The following CELSR3 variants were observed in gnomAD, a reference collection of about 807,000 sequenced individuals.
The protein encoded by CELSR3 is cadherin EGF LAG seven-pass G-type receptor 3.
In CELSR3, 73 loss-of-function variants were observed where a neutral mutation model predicts 270.0. The observed-to-expected ratio is 0.27, with a 90% CI of 0.22 to 0.33. CELSR3 has a LOEUF of 0.33. CELSR3 is among the 10% of genes least tolerant of loss of function. The probability of loss-of-function intolerance (pLI) is 1.00; values close to 1 mark genes in which losing one functional copy is unlikely to be tolerated. For synonymous variants in CELSR3, 1,780 were observed against 1,905.4 expected (o/e 0.93, Z 1.71); for missense variants, 3,614 against 4,533.8 (o/e 0.80, Z 5.83).
Position 48,654,920 on chromosome 3 carries a change from G to T in CELSR3, c.4988+124C>A. On this transcript the variant is annotated intron_variant, in intron 6 of 34. Coordinates refer to ENST00000164024, the MANE Select transcript of CELSR3 (RefSeq NM_001407.3). This position sits in a 1 kb window ranked among gnomAD's most constrained non-coding sequence, Gnocchi z 5.4. ...TTTCAGGGTCTTTGAGAGGAGAGGG[G>T]AATCTTGGTGGTTTGGGGGAAAGAT... 1.0e-6 allele frequency: 1 copy of T among 992,592 alleles called. No individual in the cohort carries two copies. The highest frequency in any genetic ancestry group is 1.6e-6 in the Non-Finnish European group (1 of 642,514). The allele number at this position is 992,592 out of a possible 1,614,324, so 61.5% of individuals were successfully genotyped here.
Position 48,661,137 on chromosome 3 carries a change from G to T in CELSR3, c.1498C>A (p.Arg500=). The change falls in exon 1 of 35, where the codon CGA becomes AGA. Residue 500 remains arginine (R), a synonymous_variant. Transcript: ENST00000164024. Reference sequence around the variant, plus strand: ...CTTTCCATGTGCTCGCGGTCCACTCGGCCGCTGGTGCTGATGAGGCCGGAG... The same window carrying T: ...CTTTCCATGTGCTCGCGGTCCACTCTGCCGCTGGTGCTGATGAGGCCGGAG... ...PRSGLISTSG[R]VDREHMESYE... is the part of the protein sequence containing the mutation. The T allele has an allele frequency of 6.2e-7, 1 of 1,607,084 alleles. No homozygotes were observed. Among genetic ancestry groups the T allele is most frequent in the East Asian group, 2.2e-5 (1 of 44,530 alleles).
At position 48,642,446 on chromosome 3, in the gene CELSR3, A is replaced by G; in HGVS notation, c.8577T>C (p.His2859=). ...SYLRDNVLVR[H]GSAADHTDHS... ...GGTCAGTGTGGTCAGCGGCTGAGCC[A>G]TGTCGAACCAGGACATTGTCCCTGG... Residue 2859 remains histidine (H), a synonymous_variant, in exon 31 of 35, where the codon CAT becomes CAC. Transcript: ENST00000164024. The surrounding 1 kb of genome is among the most constrained non-coding windows in gnomAD (Gnocchi z 6.1). 6.2e-7 allele frequency: 1 copy of G among 1,613,122 alleles called. No homozygotes were observed. Among genetic ancestry groups the G allele is most frequent in the Non-Finnish European group, 8.5e-7 (1 of 1,179,892 alleles).
At position 48,645,530 on chromosome 3, in the gene CELSR3, A is replaced by T; in HGVS notation, c.7710T>A (p.Asn2570Lys). The stretch of plus-strand genomic sequence containing the variant: ...CCACATTGGCATGGATCCCACGCAC[A>T]TTGGACTTGAGGCTGCGCAGGCTCA... ...ILLSLRSLKS[N>K]VRGIHANVAA... is the part of the protein sequence containing the mutation. The change falls in exon 24 of 35, where the codon AAT becomes AAA. Residue 2570 changes from asparagine (N) to lysine (K), a missense_variant. By Grantham distance (94) the Asn-to-Lys change is moderately conservative. Transcript: ENST00000164024. This position sits in a 1 kb window ranked among gnomAD's most constrained non-coding sequence, Gnocchi z 5.4. 2 of 1,612,766 alleles carry T rather than the reference A, an allele frequency of 1.2e-6. No homozygotes were observed. The highest frequency in any genetic ancestry group is 2.2e-5 in the South Asian group (2 of 91,086).
Position 48,661,991 on chromosome 3 carries a change from C to T in CELSR3, c.644G>A (p.Gly215Asp). 6.2e-7 allele frequency: 1 copy of T among 1,614,022 alleles called. No homozygotes were observed. The highest frequency in any genetic ancestry group is 2.2e-5 in the East Asian group (1 of 44,864). The part of the protein sequence containing the change: ...CGELWATGSK[G>D]QGERATTSGA... ...GGATGTCGTGGCTCTCTCGCCCTGA[C>T]CCTTGCTCCCTGTTGCCCATAATTC... Residue 215 changes from glycine (G) to aspartate (D), a missense_variant, in exon 1 of 35, where the codon GGT becomes GAT. By Grantham distance (94) the Gly-to-Asp change is moderately conservative. Coordinates refer to ENST00000164024, the MANE Select transcript of CELSR3 (RefSeq NM_001407.3).
rs762689560 is a variant in CELSR3, at chr3:48,656,822, G to A, written c.4275C>T (p.Pro1425=). 11 of 1,607,884 alleles carry A rather than the reference G, an allele frequency of 6.8e-6. No homozygotes were observed. The highest frequency in any genetic ancestry group is 9.3e-6 in the Non-Finnish European group (11 of 1,176,846). Residue 1425 remains proline (P), a synonymous_variant, in exon 2 of 35, where the codon CCC becomes CCT. Transcript: ENST00000164024. Reference sequence around the variant, plus strand: ...TCTCGCAAAAGTCTCCCGTGAATCCGGGCGGGCAGCGGCAGCGCAGGCCAG... The same window carrying A: ...TCTCGCAAAAGTCTCCCGTGAATCCAGGCGGGCAGCGGCAGCGCAGGCCAG... ...PIAGLRCRCP[P]GFTGDFCETE...
chr3:48,661,261 A>G lies in CELSR3; in HGVS notation c.1374T>C (p.Thr458=), dbSNP rs144271865. ...TGGCGTTGGGGGGCGCGTCGCCGTC[A>G]GTGGCACGCAGCTGCAGGATAGGGT... The part of the protein sequence containing the change: ...EGYPILQLRA[T]DGDAPPNANL... Residue 458 remains threonine, a synonymous_variant, in exon 1 of 35, where the codon ACT becomes ACC. Coordinates refer to ENST00000164024, the MANE Select transcript of CELSR3 (RefSeq NM_001407.3). 9 of 1,610,040 alleles carry G rather than the reference A, an allele frequency of 5.6e-6. No homozygotes were observed. Among genetic ancestry groups the G allele is most frequent in the African/African-American group, 1.3e-5 (1 of 74,832 alleles).
At chr3:48,648,034 C>T (rs1341510285) in intron 19 of CELSR3, 38 bp from the exon 20 acceptor site, 1 of 1,606,678 alleles carries the variant, frequency 6.2e-7, no homozygotes. Context: ...CATCATGGAC[C>T]TCTTCCCCCT....
chr3:48,650,744 T>A lies in CELSR3; in HGVS notation c.6370+148A>T. On this transcript the variant is annotated intron_variant, in intron 15 of 34. Coordinates refer to ENST00000164024, the MANE Select transcript of CELSR3 (RefSeq NM_001407.3). This position sits in a 1 kb window ranked among gnomAD's most constrained non-coding sequence, Gnocchi z 5.1. ...TTCTGTGACAGGTCAGCAAAGTACTTGGGGCAAAGGTAGGGTTCCCTGGGT... is the reference window on the plus strand; with the variant it reads ...TTCTGTGACAGGTCAGCAAAGTACTAGGGGCAAAGGTAGGGTTCCCTGGGT... 1 of 1,056,112 alleles carries A rather than the reference T, an allele frequency of 9.5e-7. No individual in the cohort carries two copies. The highest frequency in any genetic ancestry group is 1.4e-6 in the Non-Finnish European group (1 of 736,252). The allele number at this position is 1,056,112 out of a possible 1,614,324, so 65.4% of individuals were successfully genotyped here. A position where few individuals can be genotyped will look rare whatever the true frequency, so the allele number is the denominator to read the frequency against.
At position 48,661,774 on chromosome 3, in the gene CELSR3, G is replaced by C; in HGVS notation, c.861C>G (p.Leu287=). The change falls in exon 1 of 35, where the codon CTC becomes CTG. Residue 287 remains leucine, a synonymous_variant. Transcript: ENST00000164024. The stretch of plus-strand genomic sequence containing the variant: ...GGGGACGCGGCCCGGGGCGCTGCGG[G>C]AGGAAGCGGCAGCGGAAGAGACCCC... ...RSRGLFRCRF[L]PQRPGPRPPG... is the part of the protein sequence containing the mutation. The C allele has an allele frequency of 6.2e-7, 1 of 1,601,124 alleles. No homozygotes were observed. The highest frequency in any genetic ancestry group is 8.5e-7 in the Non-Finnish European group (1 of 1,175,488).
Position 48,639,525 on chromosome 3 carries a change from G to T in CELSR3, c.9911+149C>A. The T allele has an allele frequency of 9.4e-7, 1 of 1,065,232 alleles. No homozygotes were observed. Among genetic ancestry groups the T allele is most frequent in the Non-Finnish European group, 1.3e-6 (1 of 746,758 alleles). The allele number at this position is 1,065,232 out of a possible 1,614,324, so 66.0% of individuals were successfully genotyped here. A position where few individuals can be genotyped will look rare whatever the true frequency, so the allele number is the denominator to read the frequency against. ...ATTTCTTGCCAGATTCCTGTCCCCA[G>T]CCTGTGGCCCTCTGGCTGTGCTGAG... is the stretch of plus-strand genomic sequence containing the variant. On this transcript the variant is annotated intron_variant, in intron 34 of 34. Coordinates refer to ENST00000164024, the MANE Select transcript of CELSR3 (RefSeq NM_001407.3). This position sits in a 1 kb window ranked among gnomAD's most constrained non-coding sequence, Gnocchi z 4.1.
At position 48,654,212 on chromosome 3, in the gene CELSR3, C is replaced by A; in HGVS notation, c.5152+77G>T. ...CCACCAAAGGAGACTGGCTTGAAGTCAGGTATGGAGTCCTCCACTTCCTCC... is the reference window on the plus strand; with the variant it reads ...CCACCAAAGGAGACTGGCTTGAAGTAAGGTATGGAGTCCTCCACTTCCTCC... On this transcript the variant is annotated intron_variant, in intron 7 of 34. Transcript: ENST00000164024. This position sits in a 1 kb window ranked among gnomAD's most constrained non-coding sequence, Gnocchi z 5.4. 6.3e-7 allele frequency: 1 copy of A among 1,577,662 alleles called. No individual in the cohort carries two copies. The highest frequency in any genetic ancestry group is 1.1e-5 in the South Asian group (1 of 88,028).
At position 48,651,211 on chromosome 3, in the gene CELSR3, G is replaced by T; in HGVS notation, c.6187-136C>A. 3.4e-6 allele frequency: 5 copies of T among 1,453,610 alleles called. No homozygotes were observed. In the South Asian group the frequency reaches 6.4e-5, roughly 19 times the overall value. The allele number at this position is 1,453,610 out of a possible 1,614,324, so 90.0% of individuals were successfully genotyped here. A position where few individuals can be genotyped will look rare whatever the true frequency, so the allele number is the denominator to read the frequency against. ...GGTCATGCGTGAAGCCAAGGGAGGGGTCACGGGTAAAGGATGAGAGACAGC... is the reference window on the plus strand; with the variant it reads ...GGTCATGCGTGAAGCCAAGGGAGGGTTCACGGGTAAAGGATGAGAGACAGC... On this transcript the variant is annotated intron_variant, in intron 14 of 34. Coordinates refer to ENST00000164024, the MANE Select transcript of CELSR3 (RefSeq NM_001407.3). This position sits in a 1 kb window ranked among gnomAD's most constrained non-coding sequence, Gnocchi z 7.4.
Position 48,660,892 on chromosome 3 carries a change from G to A in CELSR3, c.1743C>T (p.His581=). The change falls in exon 1 of 35, where the codon CAC becomes CAT. Residue 581 remains histidine (H), a synonymous_variant. Coordinates refer to ENST00000164024, the MANE Select transcript of CELSR3 (RefSeq NM_001407.3). The surrounding 1 kb of genome is among the most constrained non-coding windows in gnomAD (Gnocchi z 5.5). ...DRDKDANGLV[H]YNIISGNSRG... ...GGCTATTGCCACTGATGATGTTGTA[G>A]TGCACCAATCCGTTGGCGTCCTTGT... 2 of 1,613,980 alleles carry A rather than the reference G, an allele frequency of 1.2e-6. No homozygotes were observed. The highest frequency in any genetic ancestry group is 1.7e-6 in the Non-Finnish European group (2 of 1,180,042).
chr3:48,650,065 G>A lies in CELSR3; in HGVS notation c.6472+415C>T, dbSNP rs2047123621. Among the ~76,000 whole-genome samples, 1 of 151,628 alleles carries A rather than the reference G, an allele frequency of 6.6e-6. No individual in the cohort carries two copies. Among genetic ancestry groups the A allele is most frequent in the African/African-American group, 2.4e-5 (1 of 41,242 alleles). On this transcript the variant is annotated intron_variant, in intron 16 of 34. Coordinates refer to ENST00000164024, the MANE Select transcript of CELSR3 (RefSeq NM_001407.3). This position sits in a 1 kb window ranked among gnomAD's most constrained non-coding sequence, Gnocchi z 5.1. ...TGGGGACCCCAGGAACTGAGAAGGG[G>A]TCAGCAGGGTCCTCAGGCAATGGGG...
At chr3:48,648,592 A>C in intron 18 of CELSR3, 127 bp downstream of exon 18, 1 of 1,386,042 alleles carries the variant, frequency 7.2e-7, no homozygotes, top group Non-Finnish European at 9.7e-7. Flanking sequence ...TGGAGAGGAC[A>C]AGGACAGAGG....
intron 20 of CELSR3, 83 bp from the exon 21 acceptor site, chr3:48,647,011 TG>T: frequency 1.5e-6 from 2 of 1,319,720 alleles, no homozygotes; most frequent in Non-Finnish European, 2.0e-6. Context: ...CGATCAAGCA[TG>T]GGGGTCTCTT....
At position 48,661,630 on chromosome 3, in the gene CELSR3, C is replaced by A; in HGVS notation, c.1005G>T (p.Pro335=). 6.2e-7 allele frequency: 1 copy of A among 1,604,134 alleles called. No individual in the cohort carries two copies. The highest frequency in any genetic ancestry group is 8.5e-7 in the Non-Finnish European group (1 of 1,175,390). ...CCGCGGTGCCTGCTGCCTCATTCTC[C>A]GGCACCAGCGTCTGGTAGTTGTACT... is the stretch of plus-strand genomic sequence containing the variant. ...FPQYNYQTLV[P]ENEAAGTAVL... The change falls in exon 1 of 35, where the codon CCG becomes CCT. Residue 335 remains proline (P), a synonymous_variant. Transcript: ENST00000164024.
chr3:48,647,670 GTGGGAGGGAGGGTGGAGGGGAAATA>G (rs1447354625), intron 20 of CELSR3, among the ~76,000 whole-genome samples, 146 bp downstream of exon 20: 32 of 111,604 alleles, frequency 2.9e-4, no homozygotes, highest in Non-Finnish European at 4.4e-4. Context: ...GAGGGGAGAT[GTGGGAGGGAGGGTGGAGGGGAAATA>G]TGGGAGGGAG....
In CELSR3 at chr3:48,640,436, A is replaced by C; in HGVS notation, c.9149T>G (p.Ile3050Ser). 6.2e-7 allele frequency: 1 copy of C among 1,612,620 alleles called. No individual in the cohort carries two copies. The highest frequency in any genetic ancestry group is 8.5e-7 in the Non-Finnish European group (1 of 1,179,926). Residue 3050 changes from isoleucine (I) to serine (S), a missense_variant, in exon 34 of 35, where the codon ATC becomes AGC. By Grantham distance (142) the Ile-to-Ser change is moderately radical. This residue lies in a region of CELSR3 where 1,240 missense variants were observed against 1,351.7 expected (regional missense o/e 0.92). Coordinates refer to ENST00000164024, the MANE Select transcript of CELSR3 (RefSeq NM_001407.3). This position sits in a 1 kb window ranked among gnomAD's most constrained non-coding sequence, Gnocchi z 7.5. ...RAVPAASYGR[I>S]YAGGGTGSLS... ...GCTGCCCGTGCCCCCGCCAGCATAG[A>C]TGCGACCGTAAGAGGCAGCTGGCAC... is the stretch of plus-strand genomic sequence containing the variant.
Sources: allele counts gnomAD v4.1 joint callset (sites outside exome capture counted in the v4.1 genomes callset), GRCh38; gene constraint gnomAD v4.1.1; regional missense constraint gnomAD v4.1.1; non-coding constraint Gnocchi (gnomAD v3.1); transcripts MANE v1.5; gene names NCBI Gene and HGNC (gene_info 2026-07-23, HGNC 2026-07-21).